Variants in GABRB1 observed in about 807,000 individuals in gnomAD.
GABRB1 encodes the protein gamma-aminobutyric acid receptor subunit beta-1.
A neutral mutation model predicts 51.6 loss-of-function variants in GABRB1; 17 were observed. That is an observed-to-expected ratio of 0.33 (90% CI 0.23 to 0.49). The LOEUF is 0.49. Among genes scored for constraint, GABRB1 ranks in the 20% least tolerant of loss-of-function variants. GABRB1 has a pLI of 0.99. For missense variants in GABRB1, 410 were observed against 600.6 expected, an observed-to-expected ratio of 0.68 and a Z score of 3.32; for synonymous variants, 247 against 218.9, an observed-to-expected ratio of 1.13 and a Z score of -1.14.
intron 4 of GABRB1, among the ~76,000 whole-genome samples, chr4:47,262,302 A>G (rs1365895593): frequency 6.6e-6 from 1 of 152,228 alleles, no homozygotes; most frequent in Non-Finnish European, 1.5e-5. Context: ...CATCTGGCAA[A>G]GGGCTAATAT....
intron 4 of GABRB1, among the ~76,000 whole-genome samples, chr4:47,177,211 G>T (rs1276205200): frequency 6.6e-6 from 1 of 152,110 alleles, no homozygotes; most frequent in African/African-American, 2.4e-5. Flanking sequence ...ACTGAAGATT[G>T]TCTCTCTTAG....
intron 4 of GABRB1, among the ~76,000 whole-genome samples, chr4:47,247,996 C>CT (rs1721832040): frequency 1.3e-5 from 2 of 151,934 alleles, no homozygotes; most frequent in Admixed American, 6.6e-5. Context: ...ATTTGGATGC[C>CT]CTTTGTTTCT....
intron 3 of GABRB1, among the ~76,000 whole-genome samples, chr4:47,033,270 G>T (rs1483904286): frequency 6.6e-6 from 1 of 152,204 alleles, no homozygotes; most frequent in Non-Finnish European, 1.5e-5. Context: ...TTTCAAAGGG[G>T]TCAACATTCT....
intron 5 of GABRB1, among the ~76,000 whole-genome samples, chr4:47,337,419 G>A (rs184200502): frequency 6.6e-5 from 10 of 152,196 alleles, no homozygotes; most frequent in African/African-American, 2.4e-4. Context: ...TGAGGATATG[G>A]GGATTTTACT....
At chr4:47,095,538 C>T (rs1175362798) in intron 3 of GABRB1, among the ~76,000 whole-genome samples, 1 of 152,180 alleles carries the variant, frequency 6.6e-6, no homozygotes, top group African/African-American at 2.4e-5. Context: ...ACCATTTGTA[C>T]CTACAGCCTT....
intron 4 of GABRB1, among the ~76,000 whole-genome samples, chr4:47,298,921 C>G (rs1378589781): frequency 2.0e-5 from 3 of 151,504 alleles, no homozygotes; most frequent in Non-Finnish European, 4.4e-5. Flanking sequence ...ACAGAGCCCT[C>G]AGAAATAACG....
At chr4:47,146,700 A>G (rs1434630128) in intron 3 of GABRB1, among the ~76,000 whole-genome samples, 1 of 152,078 alleles carries the variant, frequency 6.6e-6, no homozygotes, top group Non-Finnish European at 1.5e-5. Context: ...ATACAGGTCA[A>G]TCTACTCATT....
chr4:47,163,497 T>C (rs1718049098), intron 4 of GABRB1, among the ~76,000 whole-genome samples: 1 of 151,892 alleles, frequency 6.6e-6, no homozygotes, highest in Non-Finnish European at 1.5e-5. Flanking sequence ...AATTTGCCAG[T>C]GGACATAGAG....
At chr4:47,128,243 T>G (rs73247645) in intron 3 of GABRB1, among the ~76,000 whole-genome samples, 4,327 of 151,888 alleles carry the variant, frequency 0.028, 113 homozygotes, top group Non-Finnish European at 0.038. Context: ...GTCATTAAAG[T>G]AGTGAAGAAA....
chr4:47,179,149 T>C (rs1718835238), intron 4 of GABRB1, among the ~76,000 whole-genome samples: 1 of 152,082 alleles, frequency 6.6e-6, no homozygotes, highest in South Asian at 2.1e-4. Flanking sequence ...CAGTGTGTGA[T>C]GTTCCCCACC....
At chr4:47,005,241 AC>A (rs1452277533) in intron 1 of GABRB1, among the ~76,000 whole-genome samples, 3 of 152,126 alleles carry the variant, frequency 2.0e-5, no homozygotes, top group Non-Finnish European at 4.4e-5. Context: ...ACACGGTGAA[AC>A]CCCGTCTCTA....
In GABRB1 at chr4:47,032,538, A is replaced by T. The variant is rs569061606; in HGVS notation, c.240+54A>T. On this transcript the variant is annotated intron_variant, in intron 3 of 8. Transcript: ENST00000295454. ...TTCGGCTTACGCAGATGGGAAATGG[A>T]CAGGTCCCTTTGCCCTCTGCGTTTC... 35 of 1,536,072 alleles carry T rather than the reference A, an allele frequency of 2.3e-5. No individual in the cohort carries two copies. The African/African-American group carries it at 4.5e-4, about 20-fold the overall frequency.
chr4:47,277,048 C>T (rs1305316478), intron 4 of GABRB1, among the ~76,000 whole-genome samples: 4 of 152,036 alleles, frequency 2.6e-5, no homozygotes, highest in Admixed American at 1.3e-4. Context: ...TACATCTTTA[C>T]ACTAATATTT....
At chr4:47,343,432 G>A (rs1213408708) in intron 5 of GABRB1, among the ~76,000 whole-genome samples, 1 of 152,172 alleles carries the variant, frequency 6.6e-6, no homozygotes, top group Non-Finnish European at 1.5e-5. Flanking sequence ...ATTGCCAGTA[G>A]AAATTTCTTT....
intron 4 of GABRB1, among the ~76,000 whole-genome samples, chr4:47,193,767 C>G (rs1321004304): frequency 6.6e-6 from 1 of 152,088 alleles, no homozygotes; most frequent in African/African-American, 2.4e-5. Context: ...AAAATGTATA[C>G]AAATATTTGT....
chr4:47,069,627 C>G (rs544213379), intron 3 of GABRB1, among the ~76,000 whole-genome samples: 23 of 152,148 alleles, frequency 1.5e-4, no homozygotes, highest in Non-Finnish European at 2.6e-4. Flanking sequence ...TCCTAAAACA[C>G]TTTTGTACTT....
intron 4 of GABRB1, among the ~76,000 whole-genome samples, chr4:47,178,962 G>A (rs1321041706): frequency 6.6e-6 from 1 of 151,850 alleles, no homozygotes; most frequent in East Asian, 1.9e-4. Context: ...TAAAAATAAT[G>A]GGCCATACTT....
intron 3 of GABRB1, among the ~76,000 whole-genome samples, chr4:47,039,362 A>T (rs1725733123): frequency 7.3e-6 from 1 of 136,828 alleles, no homozygotes; most frequent in Non-Finnish European, 1.5e-5. Flanking sequence ...GAAAATACAA[A>T]AAAAAAAAAA....
chr4:47,206,139 T>C (rs1017469996), intron 4 of GABRB1, among the ~76,000 whole-genome samples: 4 of 152,100 alleles, frequency 2.6e-5, no homozygotes, highest in Admixed American at 6.6e-5. Context: ...TGGGACTTTT[T>C]AATCTTTTTT....
Sources: allele counts gnomAD v4.1 joint callset (sites outside exome capture counted in the v4.1 genomes callset), GRCh38; gene constraint gnomAD v4.1.1; transcripts MANE v1.5; gene names NCBI Gene and HGNC (gene_info 2026-07-23, HGNC 2026-07-21).